The following CNTN5 variants were observed in gnomAD, a reference collection of about 807,000 sequenced individuals.
The protein encoded by CNTN5 is contactin 5.
A neutral mutation model predicts 129.1 loss-of-function variants in CNTN5; 77 were observed. That is an observed-to-expected ratio of 0.60 (90% CI 0.50 to 0.72). The LOEUF (loss-of-function observed/expected upper bound fraction) is 0.72, where lower values mean the gene tolerates loss of function less well. CNTN5 is among the 30% of genes least tolerant of loss of function. The pLI is 0.00. For missense variants in CNTN5, 1,478 were observed against 1,328.8 expected, an observed-to-expected ratio of 1.11 and a Z score of -1.75; for synonymous variants, 509 against 465.6, an observed-to-expected ratio of 1.09 and a Z score of -1.20.
At chr11:99,697,473 A>G (rs891399269) in intron 3 of CNTN5, among the ~76,000 whole-genome samples, 1 of 151,778 alleles carries the variant, frequency 6.6e-6, no homozygotes, top group Non-Finnish European at 1.5e-5. Context: ...AATTATTAAA[A>G]CATCAGAAAA....
chr11:100,107,488 C>CTTTTTT (rs10630943), intron 13 of CNTN5, among the ~76,000 whole-genome samples: 1 of 130,504 alleles, frequency 7.7e-6, no homozygotes, highest in Non-Finnish European at 1.6e-5. Flanking sequence ...CTATAGTATT[C>CTTTTTT]TTTTTTTTTT....
intron 13 of CNTN5, among the ~76,000 whole-genome samples, chr11:100,135,121 A>G (rs1394147534): frequency 1.3e-5 from 2 of 152,098 alleles, no homozygotes; most frequent in African/African-American, 4.8e-5. Flanking sequence ...TTGTGATAAA[A>G]ACATTTACAT....
rs1002767000 is a variant in CNTN5 at position 99,741,802 on chromosome 11, T to G, written c.56-77742T>G. On this transcript the variant is annotated intron_variant, in intron 3 of 24. Coordinates refer to ENST00000524871, the MANE Select transcript of CNTN5 (RefSeq NM_014361.4). ...ACCTTAAGGCAGGTTAAGTATTTTT[T>G]TCCATTACATTTACATATCATGTCT... Among the ~76,000 whole-genome samples the G allele has an allele frequency of 4.6e-5, 7 of 152,276 alleles. No individual in the cohort carries two copies. The East Asian group carries it at 1.4e-3, about 29-fold the overall frequency.
intron 2 of CNTN5, among the ~76,000 whole-genome samples, chr11:99,345,107 C>T (rs1365601767): frequency 6.6e-6 from 1 of 151,998 alleles, no homozygotes; most frequent in Non-Finnish European, 1.5e-5. Context: ...TGTTAAATTA[C>T]TCAAAAGGGA....
intron 1 of CNTN5, among the ~76,000 whole-genome samples, chr11:99,069,301 G>T (rs1591138249): frequency 6.6e-6 from 1 of 152,010 alleles, no homozygotes; most frequent in Non-Finnish European, 1.5e-5. Flanking sequence ...CCAGGCGAGG[G>T]TAATGGGGCC....
intron 15 of CNTN5, among the ~76,000 whole-genome samples, chr11:100,208,689 C>T (rs2138578715): frequency 6.6e-6 from 1 of 152,278 alleles, no homozygotes; most frequent in Non-Finnish European, 1.5e-5. Flanking sequence ...TTACATTTCT[C>T]CAACTTGCAA....
chr11:100,266,757 A>G (rs1950311408), intron 17 of CNTN5, among the ~76,000 whole-genome samples: 1 of 151,952 alleles, frequency 6.6e-6, no homozygotes, highest in South Asian at 2.1e-4. Context: ...CTTTGGAAGG[A>G]AGATTATTTT....
At chr11:99,242,569 C>G (rs912775438) in intron 1 of CNTN5, among the ~76,000 whole-genome samples, 11 of 151,896 alleles carry the variant, frequency 7.2e-5, no homozygotes, top group African/African-American at 2.7e-4. Flanking sequence ...GTTTGAGATA[C>G]AAAAGATTCT....
At chr11:100,100,600 A>G (rs1359857216) in intron 13 of CNTN5, among the ~76,000 whole-genome samples, 1 of 152,132 alleles carries the variant, frequency 6.6e-6, no homozygotes, top group East Asian at 1.9e-4. Context: ...AGGAGGTACC[A>G]AAACAACCTT....
chr11:99,915,219 C>G (rs940777735), intron 6 of CNTN5, among the ~76,000 whole-genome samples: 10 of 152,040 alleles, frequency 6.6e-5, no homozygotes, highest in African/African-American at 2.4e-4. Flanking sequence ...ATTGATCAAC[C>G]TATCCCAGGA....
chr11:99,664,836 TATTA>T (rs71463586), intron 3 of CNTN5, among the ~76,000 whole-genome samples: 7,464 of 152,230 alleles, frequency 0.049, 211 homozygotes, highest in East Asian at 0.11. Flanking sequence ...CAGGGTACCT[TATTA>T]ATTTTTAATT....
intron 15 of CNTN5, among the ~76,000 whole-genome samples, chr11:100,210,799 G>C (rs925688332): frequency 6.6e-6 from 1 of 152,182 alleles, no homozygotes; most frequent in African/African-American, 2.4e-5. Flanking sequence ...ATGCAGTCAT[G>C]ATGATAATCT....
intron 3 of CNTN5, among the ~76,000 whole-genome samples, chr11:99,640,212 C>T (rs1458187178): frequency 6.6e-6 from 1 of 152,176 alleles, no homozygotes; most frequent in Admixed American, 6.5e-5. Flanking sequence ...AAAATTGCTT[C>T]CATGTTTTTG....
chr11:99,632,268 T>C (rs766825890), intron 3 of CNTN5, among the ~76,000 whole-genome samples: 1 of 152,166 alleles, frequency 6.6e-6, no homozygotes, highest in African/African-American at 2.4e-5. Flanking sequence ...TAAAATTATA[T>C]ACTGTAAATG....
intron 6 of CNTN5, among the ~76,000 whole-genome samples, chr11:99,866,951 A>G (rs575867480): frequency 4.6e-5 from 7 of 152,302 alleles, no homozygotes; most frequent in African/African-American, 1.4e-4. Flanking sequence ...TTGGAATTGT[A>G]TAGATAGTTG....
intron 1 of CNTN5, among the ~76,000 whole-genome samples, chr11:99,037,450 A>G (rs1013015640): frequency 1.3e-5 from 2 of 151,984 alleles, no homozygotes; most frequent in African/African-American, 2.4e-5. Flanking sequence ...AACAATGCAT[A>G]TATTTTAAAT....
At chr11:99,581,867 T>C (rs1312097336) in intron 3 of CNTN5, among the ~76,000 whole-genome samples, 2 of 152,182 alleles carry the variant, frequency 1.3e-5, no homozygotes, top group South Asian at 2.1e-4. Flanking sequence ...ATCCTGTCAT[T>C]ATGATGTTAG....
rs138380880 is a variant in CNTN5 at position 99,239,243 on chromosome 11, C to T, written c.-209-86103C>T. 7.8e-3 allele frequency among the ~76,000 whole-genome samples: 1,187 copies of T among 152,216 alleles called. 72 individuals are homozygous for T. Among genetic ancestry groups the T allele is most frequent in the Admixed American group, 0.072 (1,093 of 15,266 alleles). ...ATAAAGATTAGCTTCTGATTATATT[C>T]TAAGAGTAGAAATTAAATTGAGATT... On this transcript the variant is annotated intron_variant, in intron 1 of 24. Transcript: ENST00000524871.
intron 1 of CNTN5, among the ~76,000 whole-genome samples, chr11:99,116,859 C>T (rs1429529827): frequency 6.6e-6 from 1 of 152,084 alleles, no homozygotes; most frequent in African/African-American, 2.4e-5. Flanking sequence ...GCTCATAGGG[C>T]ATCCAAGTAA....
Sources: gnomAD v4.1 joint callset for allele counts (sites outside exome capture counted in the v4.1 genomes callset) on GRCh38, gnomAD v4.1.1 for gene constraint, MANE v1.5 for transcripts, NCBI Gene and HGNC (gene_info 2026-07-23, HGNC 2026-07-21) for gene names.